MYH7B: variants seen among roughly 807,000 people sequenced by gnomAD.
MYH7B encodes the protein myosin heavy chain 7B, also known as myosin-7B.
In MYH7B, 205 loss-of-function variants were observed where a neutral mutation model predicts 234.5. The observed-to-expected ratio is 0.87, with a 90% CI of 0.78 to 0.98. The LOEUF (loss-of-function observed/expected upper bound fraction) is 0.98. Among genes scored for constraint, MYH7B ranks in the 50% least tolerant of loss-of-function variants. The probability of loss-of-function intolerance (pLI) is 0.00; values close to 1 mark genes in which losing one functional copy is unlikely to be tolerated. For missense variants in MYH7B, 2,652 were observed against 2,633.4 expected (o/e 1.01, Z -0.15); for synonymous variants, 1,193 against 1,105.0 (o/e 1.08, Z -1.58).
intron 24 of MYH7B, among the ~76,000 whole-genome samples, chr20:34,992,860 G>A (rs1053107355): frequency 1.3e-5 from 2 of 152,242 alleles, no homozygotes; most frequent in African/African-American, 4.8e-5. Context: ...GTGAGCCACC[G>A]CACCCAGCCA....
At position 34,979,702 on chromosome 20, in the gene MYH7B, G is replaced by A. The variant is rs200343489; in HGVS notation, c.240G>A (p.Pro80=). ...AAGCCGAGCTGCAGCCCATGAACCC[G>A]CCTCGCTTCGACTTACTGGAGGACA... Residue 80 remains proline, a synonymous_variant, in exon 7 of 45, where the codon CCG becomes CCA. Coordinates refer to ENST00000262873, the Ensembl canonical transcript of MYH7B. 2.0e-5 allele frequency: 32 copies of A among 1,614,042 alleles called. No individual in the cohort carries two copies. The highest frequency in any genetic ancestry group is 5.9e-6 in the Non-Finnish European group (7 of 1,180,034).
chr20:34,999,017 C>T, intron 35 of MYH7B, 39 bp from the exon 36 acceptor site: 3 of 1,586,246 alleles, frequency 1.9e-6, no homozygotes, highest in East Asian at 2.2e-5. Context: ...TGTTCTCCCT[C>T]CTTCCATGGT....
intron 30 of MYH7B, 92 bp from the exon 31 acceptor site, chr20:34,996,990 CA>C: frequency 7.1e-7 from 1 of 1,401,434 alleles, no homozygotes; most frequent in Non-Finnish European, 9.7e-7. Context: ...TGAGGTCCCT[CA>C]GGGCCTGAAG....
intron 2 of MYH7B, among the ~76,000 whole-genome samples, 88 bp downstream of exon 2, chr20:34,958,300 G>C (rs2081660377): frequency 6.6e-6 from 1 of 152,130 alleles, no homozygotes. Context: ...GTTTGTGGTA[G>C]GACTGGGAGT....
At chr20:34,994,549 C>A in intron 27 of MYH7B, 148 bp downstream of exon 27, 2 of 1,019,096 alleles carry the variant, frequency 2.0e-6, no homozygotes, top group Non-Finnish European at 2.8e-6. Flanking sequence ...CATGTCCCAG[C>A]CTCACCACCC....
exon 38 of MYH7B, chr20:34,999,889 G>A (rs2082337769): frequency 6.2e-7 from 1 of 1,613,726 alleles, no homozygotes; most frequent in Non-Finnish European, 8.5e-7. Context: ...AGAAAGACGA[G>A]GAGTGCGCTA....
In MYH7B at chr20:34,979,745, C is replaced by CT; in HGVS notation, c.284dup (p.Asn96GlufsTer88). The CT allele has an allele frequency of 6.2e-7, 1 of 1,614,222 alleles. No homozygotes were observed. The highest frequency in any genetic ancestry group is 8.5e-7 in the Non-Finnish European group (1 of 1,180,032). ...GGAGGACATGGCCATGATGACGCAC[C>CT]TGAACGAGGCCTCTGTGCTGCACAA... is the stretch of plus-strand genomic sequence containing the variant. On this transcript the variant is annotated frameshift_variant, in exon 7 of 45. Transcript: ENST00000262873. LOFTEE classifies it high-confidence loss of function.
At chr20:34,986,295 C>T in intron 14 of MYH7B, 97 bp downstream of exon 14, 1 of 926,740 alleles carries the variant, frequency 1.1e-6, no homozygotes, top group Admixed American at 2.0e-5. Flanking sequence ...GTGGTCTTTC[C>T]CTCCCTGTCC....
intron 43 of MYH7B, 134 bp from the exon 44 acceptor site, chr20:35,001,814 G>T: frequency 7.4e-7 from 1 of 1,357,840 alleles, no homozygotes; most frequent in Non-Finnish European, 1.0e-6. Flanking sequence ...CTGTGGTATT[G>T]GTGAGGATGG....
At chr20:34,998,896 G>C in exon 35 of MYH7B, 1 of 1,612,428 alleles carries the variant, frequency 6.2e-7, no homozygotes, top group Non-Finnish European at 8.5e-7. Context: ...CCAGAGGACC[G>C]AGGAGCTGGA....
rs139382290 is a variant in MYH7B, at chr20:34,973,245, T to G, written c.-221-2155T>G. Among the ~76,000 whole-genome samples the G allele has an allele frequency of 1.4e-3, 218 of 152,326 alleles. 1 individual carries two copies. Among genetic ancestry groups the G allele is most frequent in the Non-Finnish European group, 2.7e-3 (183 of 68,026 alleles). On this transcript the variant is annotated intron_variant, in intron 2 of 44. Coordinates refer to ENST00000262873, the Ensembl canonical transcript of MYH7B. Reference sequence around the variant, plus strand: ...CCTTGGCCTCCAAAAGTGCAGGGATTATGGGCATAAGCCACTGCGCCCAGC... The same window carrying G: ...CCTTGGCCTCCAAAAGTGCAGGGATGATGGGCATAAGCCACTGCGCCCAGC...
In MYH7B at chr20:34,995,335, G is replaced by A. The variant is rs546417095; in HGVS notation, c.2701-1G>A. 1 of 1,611,964 alleles carries A rather than the reference G, an allele frequency of 6.2e-7. No homozygotes were observed. The highest frequency in any genetic ancestry group is 8.5e-7 in the Non-Finnish European group (1 of 1,179,160). ...CTGGCCCCGTTCCGTGTGCCCTCCA[G>A]GAGCAGGACAACCTGGCAGATGCCG... On this transcript the variant is annotated splice_acceptor_variant, in intron 27 of 44. Coordinates refer to ENST00000262873, the Ensembl canonical transcript of MYH7B. LOFTEE classifies it high-confidence loss of function.
At chr20:34,986,254 C>A in intron 14 of MYH7B, 56 bp downstream of exon 14, 1 of 1,399,354 alleles carries the variant, frequency 7.1e-7, no homozygotes, top group Non-Finnish European at 9.9e-7. Flanking sequence ...GGCTGCCTGG[C>A]GCTTCCTGGC....
intron 14 of MYH7B, 138 bp from the exon 15 acceptor site, chr20:34,986,748 C>T (rs1402991917): frequency 1.5e-6 from 1 of 669,736 alleles, no homozygotes; most frequent in Non-Finnish European, 2.6e-6. Flanking sequence ...AGGCCCCAGA[C>T]TGGGAGATGA....
chr20:34,982,447 G>A lies in MYH7B; in HGVS notation c.528-12G>A, dbSNP rs1368665816. ...AGATGGGCATTGGTGACTCATGTTTGTGTCGTCCAAGCGGAGAGTCGGGGG... is the reference window on the plus strand; with the variant it reads ...AGATGGGCATTGGTGACTCATGTTTATGTCGTCCAAGCGGAGAGTCGGGGG... On this transcript the variant is annotated splice_polypyrimidine_tract_variant and intron_variant, in intron 9 of 44. Coordinates refer to ENST00000262873, the Ensembl canonical transcript of MYH7B. The A allele has an allele frequency of 1.2e-6, 2 of 1,613,598 alleles. No individual in the cohort carries two copies. The highest frequency in any genetic ancestry group is 8.5e-7 in the Non-Finnish European group (1 of 1,179,604).
At chr20:34,987,829 C>T (rs1600440751) in exon 18 of MYH7B, 1 of 1,613,904 alleles carries the variant, frequency 6.2e-7, no homozygotes, top group East Asian at 2.2e-5. Flanking sequence ...TGGCTGGTGT[C>T]TCGGATCAAC....
At chr20:34,990,552 G>A (rs1162211993) in intron 22 of MYH7B, 186 bp from the exon 23 acceptor site, 1 of 799,472 alleles carries the variant, frequency 1.3e-6, no homozygotes, top group Admixed American at 1.8e-5. Flanking sequence ...GATTTGGCAG[G>A]GAAGTGAAGA....
chr20:34,972,999 A>G (rs2081806594), intron 2 of MYH7B, among the ~76,000 whole-genome samples: 1 of 152,192 alleles, frequency 6.6e-6, no homozygotes, highest in Non-Finnish European at 1.5e-5. Context: ...AAATCTGAAC[A>G]CACTGTCAAA....
chr20:34,997,912 C>T (rs544292928), intron 32 of MYH7B, among the ~76,000 whole-genome samples: 20 of 152,254 alleles, frequency 1.3e-4, no homozygotes, highest in Non-Finnish European at 2.8e-4. Flanking sequence ...TGACCCTAGC[C>T]CTTGACTCCT....
Sources: gnomAD v4.1 joint callset for allele counts (sites outside exome capture counted in the v4.1 genomes callset) on GRCh38, gnomAD v4.1.1 for gene constraint, MANE v1.5 for transcripts, NCBI Gene and HGNC (gene_info 2026-07-23, HGNC 2026-07-21) for gene names.